MYCBP2: variants seen among roughly 807,000 people sequenced by gnomAD.
MYCBP2 encodes E3 ubiquitin-protein ligase MYCBP2.
Under a neutral mutation model 525.3 loss-of-function variants are expected in MYCBP2, and 120 were observed. The ratio of observed to expected loss-of-function variants is 0.23; its 90% CI spans 0.20 to 0.27. MYCBP2 has a LOEUF of 0.27. MYCBP2 is among the 10% of genes least tolerant of loss of function. The pLI, the probability that MYCBP2 is intolerant of heterozygous loss-of-function variation, is 1.00. For missense variants in MYCBP2, 4,149 were observed against 5,657.1 expected, an observed-to-expected ratio of 0.73 and a Z score of 8.55; for synonymous variants, 1,894 against 1,955.8, an observed-to-expected ratio of 0.97 and a Z score of 0.83.
chr13:77,093,745 C>T (rs2045798991), intron 58 of MYCBP2, among the ~76,000 whole-genome samples: 1 of 152,110 alleles, frequency 6.6e-6, no homozygotes, highest in Admixed American at 6.6e-5. Flanking sequence ...TCATCACTGC[C>T]TTGGTTCATG....
intron 51 of MYCBP2, among the ~76,000 whole-genome samples, 157 bp from the exon 52 acceptor site, chr13:77,139,493 A>G (rs2054266284): frequency 6.6e-6 from 1 of 152,220 alleles, no homozygotes; most frequent in Non-Finnish European, 1.5e-5. Flanking sequence ...TCCAGGGAAA[A>G]AAAAAGCAGC....
At chr13:77,278,938 C>G in intron 3 of MYCBP2, 27 bp from the exon 4 acceptor site, 1 of 1,489,320 alleles carries the variant, frequency 6.7e-7, no homozygotes, top group Non-Finnish European at 9.0e-7. Context: ...AATATATATA[C>G]TTTATGACAT....
At chr13:77,196,539 G>A (rs879912768) in intron 26 of MYCBP2, among the ~76,000 whole-genome samples, 3 of 152,204 alleles carry the variant, frequency 2.0e-5, no homozygotes, top group Admixed American at 2.0e-4. Flanking sequence ...TTCAGAAGTG[G>A]TTAGATACGG....
chr13:77,201,967 C>T (rs1012569552), intron 26 of MYCBP2, among the ~76,000 whole-genome samples: 2 of 152,140 alleles, frequency 1.3e-5, no homozygotes, highest in Admixed American at 6.6e-5. Flanking sequence ...GACACCCTAA[C>T]ATCATAATTA....
At chr13:77,118,268 T>C (rs919026818) in intron 55 of MYCBP2, 7 of 637,804 alleles carry the variant, frequency 1.1e-5, no homozygotes, top group African/African-American at 3.6e-5. Context: ...GATAACTAAT[T>C]AGTAACTGAT....
intron 1 of MYCBP2, among the ~76,000 whole-genome samples, chr13:77,312,596 A>G (rs898797369): frequency 6.6e-6 from 1 of 152,016 alleles, no homozygotes; most frequent in African/African-American, 2.4e-5. Flanking sequence ...ACAAAGAGAT[A>G]TTGCTGAAAA....
At chr13:77,263,206 T>G (rs2073587905) in intron 10 of MYCBP2, among the ~76,000 whole-genome samples, 1 of 152,060 alleles carries the variant, frequency 6.6e-6, no homozygotes, top group South Asian at 2.1e-4. Context: ...GAGATCATTC[T>G]ATAGTTACCT....
At chr13:77,255,262 T>G (rs2071970882) in intron 14 of MYCBP2, among the ~76,000 whole-genome samples, 1 of 151,812 alleles carries the variant, frequency 6.6e-6, no homozygotes, top group Non-Finnish European at 1.5e-5. Flanking sequence ...TTCTCCACAT[T>G]CTCCCCAGCA....
intron 55 of MYCBP2, among the ~76,000 whole-genome samples, chr13:77,102,457 A>C (rs1192014215): frequency 6.6e-6 from 1 of 151,552 alleles, no homozygotes; most frequent in Non-Finnish European, 1.5e-5. Context: ...TTTTGATAAA[A>C]TTTTATTTAA....
intron 68 of MYCBP2, among the ~76,000 whole-genome samples, chr13:77,075,021 C>A (rs924190972): frequency 2.0e-5 from 3 of 152,142 alleles, no homozygotes; most frequent in Admixed American, 6.5e-5. Flanking sequence ...CCAGCCTGGG[C>A]AACATGGCAA....
intron 76 of MYCBP2, among the ~76,000 whole-genome samples, chr13:77,060,031 G>A: frequency 6.6e-6 from 1 of 152,144 alleles, no homozygotes; most frequent in South Asian, 2.1e-4. Context: ...AAAATTATAA[G>A]GCATGGTATA....
intron 52 of MYCBP2, among the ~76,000 whole-genome samples, chr13:77,136,056 T>C (rs1317647627): frequency 1.3e-5 from 2 of 152,136 alleles, no homozygotes; most frequent in Non-Finnish European, 2.9e-5. Context: ...GCTAACCTTG[T>C]GATCCACCCG....
chr13:77,152,987 C>T (rs2056708918), intron 46 of MYCBP2, among the ~76,000 whole-genome samples: 1 of 148,586 alleles, frequency 6.7e-6, no homozygotes, highest in Non-Finnish European at 1.5e-5. Flanking sequence ...ATGGAGTGAA[C>T]CCAGGAAGCG....
chr13:77,137,088 C>T (rs1245151912), intron 52 of MYCBP2, among the ~76,000 whole-genome samples: 2 of 152,166 alleles, frequency 1.3e-5, no homozygotes, highest in East Asian at 1.9e-4. Context: ...GTGAAAACCA[C>T]CCACAAGTAT....
intron 23 of MYCBP2, among the ~76,000 whole-genome samples, chr13:77,208,681 T>G (rs2063634174): frequency 6.6e-6 from 1 of 152,150 alleles, no homozygotes; most frequent in Non-Finnish European, 1.5e-5. Flanking sequence ...ATGATATAAA[T>G]CAAACTTCAT....
chr13:77,317,692 A>G (rs2081114489), intron 1 of MYCBP2, among the ~76,000 whole-genome samples: 2 of 152,118 alleles, frequency 1.3e-5, no homozygotes, highest in South Asian at 4.1e-4. Flanking sequence ...TAATCCCAGC[A>G]CTTTGGGAGG....
chr13:77,114,962 T>A (rs1406579964), intron 55 of MYCBP2, among the ~76,000 whole-genome samples: 1 of 151,992 alleles, frequency 6.6e-6, no homozygotes, highest in Non-Finnish European at 1.5e-5. Flanking sequence ...AGTTGGATAA[T>A]CTTGCTTAGA....
intron 1 of MYCBP2, among the ~76,000 whole-genome samples, chr13:77,317,898 T>C (rs887752286): frequency 6.6e-6 from 1 of 151,846 alleles, no homozygotes; most frequent in Admixed American, 6.6e-5. Flanking sequence ...GATCACGCCA[T>C]TGCACTCCAG....
At chr13:77,204,658 A>C (rs1245470547) in intron 26 of MYCBP2, among the ~76,000 whole-genome samples, 2 of 130,298 alleles carry the variant, frequency 1.5e-5, no homozygotes, top group Non-Finnish European at 3.3e-5. Flanking sequence ...CAAATGTCCA[A>C]CAATGATAGA....
Sources: allele counts gnomAD v4.1 joint callset (sites outside exome capture counted in the v4.1 genomes callset), GRCh38; gene constraint gnomAD v4.1.1; transcripts MANE v1.5; gene names NCBI Gene and HGNC (gene_info 2026-07-23, HGNC 2026-07-21).